The following SCFD2 variants were observed in gnomAD, a reference collection of about 807,000 sequenced individuals.
SCFD2 encodes sec1 family domain containing 2.
A neutral mutation model predicts 58.9 loss-of-function variants in SCFD2; 54 were observed. That is an observed-to-expected ratio of 0.92 (90% CI 0.74 to 1.15). The LOEUF (loss-of-function observed/expected upper bound fraction) is 1.15, where lower values mean the gene tolerates loss of function less well. SCFD2 is among the 50% of genes most tolerant of loss of function. SCFD2 has a pLI of 0.00. For missense variants in SCFD2, 805 were observed against 836.6 expected, an observed-to-expected ratio of 0.96 and a Z score of 0.47; for synonymous variants, 321 against 335.9, an observed-to-expected ratio of 0.96 and a Z score of 0.49.
intron 5 of SCFD2, among the ~76,000 whole-genome samples, chr4:53,059,156 G>T (rs1393134440): frequency 1.7e-4 from 26 of 152,074 alleles, no homozygotes; most frequent in Admixed American, 1.7e-3. Flanking sequence ...TTGCCTCAAA[G>T]GAAATAGGAA....
intron 2 of SCFD2, among the ~76,000 whole-genome samples, chr4:53,321,267 C>G (rs1733013837): frequency 6.6e-6 from 1 of 152,100 alleles, no homozygotes; most frequent in Non-Finnish European, 1.5e-5. Context: ...ATCTTAGAAG[C>G]TGCCTTGGGT....
At chr4:53,280,194 T>G (rs1463767159) in intron 3 of SCFD2, among the ~76,000 whole-genome samples, 2 of 152,214 alleles carry the variant, frequency 1.3e-5, no homozygotes, top group Admixed American at 6.5e-5. Flanking sequence ...AAAACTGTTA[T>G]GATGGGAAAG....
intron 5 of SCFD2, among the ~76,000 whole-genome samples, chr4:53,015,281 C>G (rs1722184574): frequency 6.6e-6 from 1 of 152,142 alleles, no homozygotes; most frequent in African/African-American, 2.4e-5. Context: ...TCTGATCCAC[C>G]ACAGTTGGTC....
chr4:53,314,745 T>C (rs1203721887), intron 2 of SCFD2, among the ~76,000 whole-genome samples: 2 of 152,216 alleles, frequency 1.3e-5, no homozygotes, highest in East Asian at 1.9e-4. Flanking sequence ...CAAATTTGAA[T>C]TGGATATTGA....
At position 52,986,229 on chromosome 4, in the gene SCFD2, G is replaced by T. The variant is rs200021335; in HGVS notation, c.1562-65359C>A. On this transcript the variant is annotated intron_variant, in intron 5 of 8. Transcript: ENST00000401642. ...AATTTAGAGGGGAAAAAAGGGTAAAGTTTTTTTTTTAATAGTCATCGAGTA... is the reference window on the plus strand; with the variant it reads ...AATTTAGAGGGGAAAAAAGGGTAAATTTTTTTTTTTAATAGTCATCGAGTA... Among the ~76,000 whole-genome samples the T allele has an allele frequency of 3.2e-3, 476 of 149,902 alleles. 20 individuals carry two copies. In the East Asian group the frequency reaches 0.084, roughly 27 times the overall value.
At chr4:53,003,365 A>G (rs140314559) in intron 5 of SCFD2, among the ~76,000 whole-genome samples, 36 of 152,364 alleles carry the variant, frequency 2.4e-4, no homozygotes, top group African/African-American at 8.4e-4. Context: ...ACATGTACAT[A>G]TGAAGTAATA....
At chr4:53,251,111 G>A (rs10028894) in intron 4 of SCFD2, among the ~76,000 whole-genome samples, 108,621 of 152,010 alleles carry the variant, frequency 0.71, 38,970 homozygotes, top group Middle Eastern at 0.8. Flanking sequence ...ACACCTCTAC[G>A]CAAATAAACA....
chr4:53,227,200 A>G (rs1184891970), intron 4 of SCFD2, among the ~76,000 whole-genome samples: 1 of 152,202 alleles, frequency 6.6e-6, no homozygotes, highest in Non-Finnish European at 1.5e-5. Context: ...ATTTTCTATA[A>G]AAGGACACCA....
At chr4:53,170,901 C>A (rs1301703646) in intron 4 of SCFD2, among the ~76,000 whole-genome samples, 1 of 152,120 alleles carries the variant, frequency 6.6e-6, no homozygotes, top group African/African-American at 2.4e-5. Flanking sequence ...TTACTGAATT[C>A]ATGTATTAGT....
chr4:53,245,785 T>G (rs1730049659), intron 4 of SCFD2, among the ~76,000 whole-genome samples: 1 of 152,116 alleles, frequency 6.6e-6, no homozygotes, highest in South Asian at 2.1e-4. Context: ...CTTTGAAAAC[T>G]GCCACAAGAC....
chr4:53,317,789 A>G (rs183880476), intron 2 of SCFD2, among the ~76,000 whole-genome samples: 1 of 152,326 alleles, frequency 6.6e-6, no homozygotes, highest in African/African-American at 2.4e-5. Flanking sequence ...TTCTCTCTGT[A>G]CATGTTTTCT....
intron 2 of SCFD2, among the ~76,000 whole-genome samples, chr4:53,323,495 C>A (rs115013909): frequency 0.014 from 2,063 of 150,964 alleles, 46 homozygotes; most frequent in African/African-American, 0.048. Flanking sequence ...ACCTGAGTAG[C>A]CAGGACTACA....
intron 4 of SCFD2, among the ~76,000 whole-genome samples, chr4:53,147,719 TAGA>T (rs1442604384): frequency 3.9e-5 from 6 of 152,326 alleles, no homozygotes; most frequent in East Asian, 3.9e-4. Flanking sequence ...TAGGCCACAT[TAGA>T]AGAAGAACTG....
intron 7 of SCFD2, among the ~76,000 whole-genome samples, chr4:52,895,624 A>G (rs1001211891): frequency 1.3e-5 from 2 of 152,216 alleles, no homozygotes; most frequent in African/African-American, 4.8e-5. Context: ...TAGTGCCGCA[A>G]TAAACACACG....
chr4:53,237,294 T>C (rs1222890410), intron 4 of SCFD2, among the ~76,000 whole-genome samples: 2 of 151,002 alleles, frequency 1.3e-5, no homozygotes, highest in African/African-American at 4.9e-5. Flanking sequence ...CCACCTTTCC[T>C]GCCTTTCTAT....
chr4:53,103,558 A>T (rs1168311373), intron 5 of SCFD2, among the ~76,000 whole-genome samples: 3 of 147,780 alleles, frequency 2.0e-5, no homozygotes, highest in East Asian at 2.0e-4. Flanking sequence ...ATTATATATA[A>T]ATATATATAT....
At chr4:52,977,847 A>G (rs1721288353) in intron 5 of SCFD2, among the ~76,000 whole-genome samples, 1 of 152,214 alleles carries the variant, frequency 6.6e-6, no homozygotes. Flanking sequence ...GGATGAAGAG[A>G]CTTCATCTAT....
At chr4:53,295,694 A>C (rs1310412256) in intron 3 of SCFD2, among the ~76,000 whole-genome samples, 1 of 152,194 alleles carries the variant, frequency 6.6e-6, no homozygotes, top group Non-Finnish European at 1.5e-5. Context: ...GTGGTGAGAG[A>C]GGGCATACTT....
At position 53,258,541 on chromosome 4, in the gene SCFD2, T is replaced by TAC. The variant is rs1560416872; in HGVS notation, c.1311+15284_1311+15285insGT. Among the ~76,000 whole-genome samples, 18 of 13,266 alleles carry TAC rather than the reference T, an allele frequency of 1.4e-3. No individual in the cohort carries two copies. The South Asian group carries it at 0.045, about 33-fold the overall frequency. The allele number at this position is 13,266 out of a possible 152,430, so 8.7% of individuals were successfully genotyped here. A position where few individuals can be genotyped will look rare whatever the true frequency, so the allele number is the denominator to read the frequency against. On this transcript the variant is annotated intron_variant, in intron 4 of 8. Transcript: ENST00000401642. Reference sequence around the variant, plus strand: ...AGTCGTATTCCATGGTGTGTGTGTATATATATATATATATATATATATATA... The same window carrying TAC: ...AGTCGTATTCCATGGTGTGTGTGTATACATATATATATATATATATATATATA...
Sources: gnomAD v4.1 joint callset for allele counts (sites outside exome capture counted in the v4.1 genomes callset) on GRCh38, gnomAD v4.1.1 for gene constraint, MANE v1.5 for transcripts, NCBI Gene and HGNC (gene_info 2026-07-23, HGNC 2026-07-21) for gene names.